The following IL16 variants were observed in gnomAD, a reference collection of about 807,000 sequenced individuals.
IL16 encodes the protein interleukin 16.
IL16 carries 67 observed loss-of-function variants against 110.1 expected under a neutral mutation model. The ratio of observed to expected loss-of-function variants is 0.61; its 90% CI spans 0.50 to 0.75. The LOEUF (loss-of-function observed/expected upper bound fraction) is 0.75, where lower values mean the gene tolerates loss of function less well. IL16 is among the 30% of genes least tolerant of loss of function. The pLI, the probability that IL16 is intolerant of heterozygous loss-of-function variation, is 0.00. For missense variants in IL16, 1,545 were observed against 1,655.0 expected (o/e 0.93, Z 1.15); for synonymous variants, 689 against 662.9 (o/e 1.04, Z -0.61).
At chr15:81,250,209 G>A (rs115511300) in intron 2 of IL16, among the ~76,000 whole-genome samples, 3,463 of 152,176 alleles carry the variant, frequency 0.023, 119 homozygotes, top group African/African-American at 0.08. Context: ...TTGCTGTGTC[G>A]CCCAGGTTGG....
intron 1 of IL16, among the ~76,000 whole-genome samples, chr15:81,216,118 G>C (rs1896420710): frequency 6.6e-6 from 1 of 152,216 alleles, no homozygotes; most frequent in Admixed American, 6.5e-5. Context: ...GCTGGGGCCA[G>C]CGCCTCCCAG....
Position 81,309,857 on chromosome 15 carries a change from C to T in IL16, c.*1059C>T, listed in dbSNP as rs973603476. The T allele has an allele frequency of 2.0e-5, 3 of 152,216 alleles. No individual in the cohort carries two copies. Among genetic ancestry groups the T allele is most frequent in the Non-Finnish European group, 4.4e-5 (3 of 68,058 alleles). The allele number at this position is 152,216 out of a possible 1,614,324, so 9.4% of individuals were successfully genotyped here. A position where few individuals can be genotyped will look rare whatever the true frequency, so the allele number is the denominator to read the frequency against. The stretch of plus-strand genomic sequence containing the variant: ...GCTTCTACGGTGTATGGTTCTGTGC[C>T]AATGTATTGATAAGAGGGCACACAC... On this transcript the variant is annotated 3_prime_UTR_variant, in exon 19 of 19. Coordinates refer to ENST00000683961, the MANE Select transcript of IL16 (RefSeq NM_172217.5).
At chr15:81,269,100 C>T (rs1207329434) in intron 4 of IL16, among the ~76,000 whole-genome samples, 2 of 152,260 alleles carry the variant, frequency 1.3e-5, no homozygotes, top group Admixed American at 6.5e-5. Context: ...CTTTGGGCTC[C>T]GCCCCCTTGC....
chr15:81,298,614 C>T (rs557258748), intron 13 of IL16, among the ~76,000 whole-genome samples: 2 of 152,308 alleles, frequency 1.3e-5, no homozygotes, highest in East Asian at 3.9e-4. Flanking sequence ...TCAGGGCCCT[C>T]CAGATTCCAG....
intron 1 of IL16, among the ~76,000 whole-genome samples, chr15:81,224,952 G>C (rs777694572): frequency 6.6e-6 from 1 of 152,090 alleles, no homozygotes; most frequent in Non-Finnish European, 1.5e-5. Context: ...ACAAAGTACT[G>C]GCCTCTAAGA....
intron 1 of IL16, among the ~76,000 whole-genome samples, chr15:81,186,386 G>A (rs1181427070): frequency 1.3e-5 from 2 of 152,234 alleles, no homozygotes; most frequent in African/African-American, 4.8e-5. Flanking sequence ...GAACACAGGC[G>A]GGTCTATTCC....
chr15:81,225,833 G>A (rs890164713), intron 2 of IL16, 122 bp downstream of exon 2: 7 of 1,011,734 alleles, frequency 6.9e-6, no homozygotes, highest in East Asian at 2.6e-5. Context: ...CTGAAAGAGA[G>A]CAAGAAAAAA....
At chr15:81,197,290 G>T (rs191753582) in intron 1 of IL16, 138 bp downstream of exon 1, 4 of 445,852 alleles carry the variant, frequency 9.0e-6, no homozygotes, top group Non-Finnish European at 1.5e-5. Context: ...GCTGGGGTCA[G>T]GGGCAGGAGC....
chr15:81,184,900 G>A (rs1409498024), intron 1 of IL16, among the ~76,000 whole-genome samples: 2 of 152,238 alleles, frequency 1.3e-5, no homozygotes, highest in Admixed American at 1.3e-4. Flanking sequence ...CAGATTCTGA[G>A]CATGTGGTCA....
intron 11 of IL16, 120 bp downstream of exon 11, chr15:81,290,660 A>G (rs1899670425): frequency 3.3e-6 from 2 of 600,936 alleles, no homozygotes; most frequent in South Asian, 5.5e-5. Context: ...AGACCAGCAT[A>G]GTATGTAGAC....
chr15:81,299,213 G>A, intron 13 of IL16, 167 bp from the exon 14 acceptor site: 1 of 1,053,812 alleles, frequency 9.5e-7, no homozygotes, highest in Non-Finnish European at 1.5e-6. Flanking sequence ...CCTGTTGGCA[G>A]CTCAGTCAGG....
At chr15:81,186,877 C>T (rs1413942213) in intron 1 of IL16, among the ~76,000 whole-genome samples, 1 of 151,830 alleles carries the variant, frequency 6.6e-6, no homozygotes. Flanking sequence ...AGGGGAGCCT[C>T]GAACTCCTGT....
intron 2 of IL16, among the ~76,000 whole-genome samples, chr15:81,257,370 G>A (rs1363264222): frequency 6.6e-6 from 1 of 152,166 alleles, no homozygotes; most frequent in Non-Finnish European, 1.5e-5. Context: ...TCCTCCACCT[G>A]TTAGAAATTT....
intron 9 of IL16, among the ~76,000 whole-genome samples, chr15:81,283,421 C>T (rs1899287261): frequency 6.6e-6 from 1 of 152,068 alleles, no homozygotes; most frequent in Admixed American, 6.5e-5. Context: ...CCGTGTTCCT[C>T]AAAGTGTGGT....
chr15:81,239,077 G>T (rs529710614), intron 2 of IL16, among the ~76,000 whole-genome samples: 10 of 151,276 alleles, frequency 6.6e-5, no homozygotes, highest in African/African-American at 2.4e-4. Context: ...TTAGTTTTTA[G>T]AAGTTTAATT....
intron 1 of IL16, among the ~76,000 whole-genome samples, chr15:81,212,651 T>C: frequency 6.6e-6 from 1 of 152,024 alleles, no homozygotes; most frequent in Admixed American, 6.6e-5. Flanking sequence ...TTTGTATTTT[T>C]AGTAGAGATG....
At chr15:81,222,157 A>C (rs1261089848) in intron 1 of IL16, among the ~76,000 whole-genome samples, 3 of 152,160 alleles carry the variant, frequency 2.0e-5, no homozygotes, top group Admixed American at 6.5e-5. Context: ...GACTGTGGCA[A>C]TTCTTGGTGG....
At position 81,258,614 on chromosome 15, in the gene IL16, C is replaced by T. The variant is rs1182691741; in HGVS notation, c.313-1158C>T. Reference sequence around the variant, plus strand: ...TACTCAGGAGGCTGAGTGGGAGGATCTCTGGAGCCCAGGAGGTCAAGGCTG... The same window carrying T: ...TACTCAGGAGGCTGAGTGGGAGGATTTCTGGAGCCCAGGAGGTCAAGGCTG... On this transcript the variant is annotated intron_variant, in intron 2 of 18. Coordinates refer to ENST00000683961, the MANE Select transcript of IL16 (RefSeq NM_172217.5). 3.3e-5 allele frequency among the ~76,000 whole-genome samples: 5 copies of T among 152,252 alleles called. 1 individual carries two copies. In the South Asian group the frequency reaches 6.2e-4, roughly 19 times the overall value.
At chr15:81,240,917 C>A (rs1175619768) in intron 2 of IL16, among the ~76,000 whole-genome samples, 1 of 151,788 alleles carries the variant, frequency 6.6e-6, no homozygotes, top group Non-Finnish European at 1.5e-5. Flanking sequence ...TTTTTGTTGT[C>A]TTCTAAACAT....
Sources: gnomAD v4.1 joint callset for allele counts (sites outside exome capture counted in the v4.1 genomes callset) on GRCh38, gnomAD v4.1.1 for gene constraint, MANE v1.5 for transcripts, NCBI Gene and HGNC (gene_info 2026-07-23, HGNC 2026-07-21) for gene names.